ADAMTS16: variants seen among roughly 807,000 people sequenced by gnomAD.
ADAMTS16 encodes the protein A disintegrin and metalloproteinase with thrombospondin motifs 16.
ADAMTS16 carries 94 observed loss-of-function variants against 145.8 expected under a neutral mutation model. The observed-to-expected ratio is 0.64, with a 90% CI of 0.55 to 0.77. ADAMTS16 has a LOEUF of 0.77. Ranked by LOEUF, ADAMTS16 falls within the 30% of genes least tolerant of loss-of-function variation. The pLI is 0.00. For missense variants in ADAMTS16, 1,585 were observed against 1,591.5 expected (o/e 1.00, Z 0.07); for synonymous variants, 659 against 604.3 (o/e 1.09, Z -1.33).
At chr5:5,198,687 A>G (rs1579304772) in intron 8 of ADAMTS16, among the ~76,000 whole-genome samples, 1 of 152,208 alleles carries the variant, frequency 6.6e-6, no homozygotes, top group Non-Finnish European at 1.5e-5. Context: ...ATAAATGTTA[A>G]TTACTATATT....
chr5:5,266,579 GTTGT>G (rs1477000188), intron 18 of ADAMTS16, among the ~76,000 whole-genome samples: 1 of 152,192 alleles, frequency 6.6e-6, no homozygotes, highest in African/African-American at 2.4e-5. Flanking sequence ...CTGCTTGTTG[GTTGT>G]TTGTTTTCTT....
chr5:5,246,686 T>G (rs1737453093), intron 17 of ADAMTS16, among the ~76,000 whole-genome samples: 1 of 152,220 alleles, frequency 6.6e-6, no homozygotes, highest in Non-Finnish European at 1.5e-5. Flanking sequence ...ATGAAAACTA[T>G]TTAGTGCCTC....
intron 21 of ADAMTS16, among the ~76,000 whole-genome samples, chr5:5,307,553 G>A (rs1445450052): frequency 6.6e-6 from 1 of 152,192 alleles, no homozygotes; most frequent in Non-Finnish European, 1.5e-5. Flanking sequence ...CTCTCTCACT[G>A]TCTCGCCCAT....
chr5:5,150,522 C>G (rs1734422764), intron 3 of ADAMTS16, among the ~76,000 whole-genome samples: 1 of 152,232 alleles, frequency 6.6e-6, no homozygotes, highest in African/African-American at 2.4e-5. Context: ...AAGCAGCCCA[C>G]CCTGGGTTTT....
chr5:5,195,237 A>G (rs1353313756), intron 8 of ADAMTS16, among the ~76,000 whole-genome samples: 3 of 152,240 alleles, frequency 2.0e-5, no homozygotes, highest in African/African-American at 7.2e-5. Context: ...TGGTGGTACA[A>G]GGAGAGTTTC....
chr5:5,299,004 A>G (rs535798640), intron 18 of ADAMTS16, among the ~76,000 whole-genome samples: 1 of 152,042 alleles, frequency 6.6e-6, no homozygotes, highest in South Asian at 2.1e-4. Context: ...CGAATGCTGT[A>G]TTCTAATGTT....
In ADAMTS16 at chr5:5,242,210, T is replaced by C. The variant is rs1737314003; in HGVS notation, c.2662+19T>C. The stretch of plus-strand genomic sequence containing the variant: ...GGAGGGGGTAGGTGCCTTCCAGTGC[T>C]GCTCCTGGAGGCAGCATGTCAGCCT... On this transcript the variant is annotated intron_variant, in intron 17 of 22. Transcript: ENST00000274181. 2 of 1,611,980 alleles carry C rather than the reference T, an allele frequency of 1.2e-6. No homozygotes were observed. Among genetic ancestry groups the C allele is most frequent in the Admixed American group, 1.7e-5 (1 of 59,864 alleles).
chr5:5,179,917 C>A lies in ADAMTS16; in HGVS notation c.502-2127C>A, dbSNP rs138380917. On this transcript the variant is annotated intron_variant, in intron 3 of 22. Coordinates refer to ENST00000274181, the MANE Select transcript of ADAMTS16 (RefSeq NM_139056.4). ...GCTTCCTCTCCCAATATTTGATAAA[C>A]CTACTCTCCTCTGTCTTTTATGTCT... Among the ~76,000 whole-genome samples, 545 of 152,272 alleles carry A rather than the reference C, an allele frequency of 3.6e-3. 7 individuals carry two copies. Among genetic ancestry groups the A allele is most frequent in the African/African-American group, 0.012 (509 of 41,538 alleles).
chr5:5,177,997 T>G (rs1735245178), intron 3 of ADAMTS16, among the ~76,000 whole-genome samples: 1 of 152,208 alleles, frequency 6.6e-6, no homozygotes, highest in Non-Finnish European at 1.5e-5. Context: ...ATTTTTTGAT[T>G]TATGAAACTT....
intron 14 of ADAMTS16, among the ~76,000 whole-genome samples, chr5:5,238,130 C>T (rs1737170102): frequency 6.6e-6 from 1 of 152,050 alleles, no homozygotes; most frequent in Admixed American, 6.5e-5. Flanking sequence ...TTTCATTGTA[C>T]CTCAGCTGTA....
chr5:5,277,038 T>C (rs1261913012), intron 18 of ADAMTS16, among the ~76,000 whole-genome samples: 2 of 152,212 alleles, frequency 1.3e-5, no homozygotes, highest in African/African-American at 2.4e-5. Context: ...ATGCTTTGAT[T>C]CTGAAAATCG....
chr5:5,179,190 A>C (rs1735272956), intron 3 of ADAMTS16, among the ~76,000 whole-genome samples: 1 of 149,836 alleles, frequency 6.7e-6, no homozygotes, highest in African/African-American at 2.5e-5. Context: ...AAATCATCCA[A>C]AGTCACACAG....
intron 2 of ADAMTS16, among the ~76,000 whole-genome samples, chr5:5,145,414 T>C (rs1734267236): frequency 2.0e-5 from 3 of 152,246 alleles, no homozygotes. Context: ...TGCGTATCTC[T>C]GTGCACTGAA....
intron 3 of ADAMTS16, among the ~76,000 whole-genome samples, chr5:5,178,567 T>A (rs1225380633): frequency 6.6e-6 from 1 of 152,248 alleles, no homozygotes. Context: ...AAAATATCAG[T>A]CTTATCAGTT....
intron 17 of ADAMTS16, among the ~76,000 whole-genome samples, chr5:5,259,967 A>T (rs1388528480): frequency 6.6e-6 from 1 of 152,136 alleles, no homozygotes; most frequent in Non-Finnish European, 1.5e-5. Flanking sequence ...GACTTTGGAC[A>T]CTCAAAGGCC....
At chr5:5,233,674 T>A (rs141431726) in intron 12 of ADAMTS16, among the ~76,000 whole-genome samples, 337 of 152,326 alleles carry the variant, frequency 2.2e-3, no homozygotes, top group African/African-American at 7.7e-3. Context: ...ACATGATCTC[T>A]TCCTTTTTTA....
intron 18 of ADAMTS16, among the ~76,000 whole-genome samples, chr5:5,299,436 A>G (rs1261409585): frequency 6.6e-6 from 1 of 152,250 alleles, no homozygotes; most frequent in Non-Finnish European, 1.5e-5. Flanking sequence ...TGTAATGACA[A>G]GGGACTTTAC....
At chr5:5,273,690 A>G (rs930363442) in intron 18 of ADAMTS16, among the ~76,000 whole-genome samples, 1 of 152,208 alleles carries the variant, frequency 6.6e-6, no homozygotes, top group African/African-American at 2.4e-5. Flanking sequence ...CCTGGGGAAA[A>G]TGTGACTTTG....
At chr5:5,302,196 T>C (rs1739809473) in intron 18 of ADAMTS16, among the ~76,000 whole-genome samples, 1 of 152,198 alleles carries the variant, frequency 6.6e-6, no homozygotes, top group Non-Finnish European at 1.5e-5. Flanking sequence ...GCACAGTGTC[T>C]TGATCAAAGG....
Sources: allele counts gnomAD v4.1 joint callset (sites outside exome capture counted in the v4.1 genomes callset), GRCh38; gene constraint gnomAD v4.1.1; transcripts MANE v1.5; gene names NCBI Gene and HGNC (gene_info 2026-07-23, HGNC 2026-07-21).